Variants in ELP1 observed in about 807,000 individuals in gnomAD.
ELP1 encodes elongator acetyltransferase complex subunit 1, also known as elongator complex protein 1.
In ELP1, 131 loss-of-function variants were observed where a neutral mutation model predicts 183.2. The ratio of observed to expected loss-of-function variants is 0.72; its 90% CI spans 0.62 to 0.83. The LOEUF is 0.83. ELP1 is among the 40% of genes least tolerant of loss of function. The pLI, the probability that ELP1 is intolerant of heterozygous loss-of-function variation, is 0.00. For missense variants in ELP1, 1,550 were observed against 1,594.9 expected, an observed-to-expected ratio of 0.97 and a Z score of 0.48; for synonymous variants, 555 against 569.0, an observed-to-expected ratio of 0.98 and a Z score of 0.35.
At position 108,927,450 on chromosome 9, in the gene ELP1, C is replaced by T; in HGVS notation, c.307G>A (p.Glu103Lys). ...CCACTGGCTACACTCCCAACACACT[C>T]CAGCTGAGACAGAGAAAATTGAAAA... Reference protein sequence around the residue: ...ILCSLSTQQLECVGSVASGIS... With the variant: ...ILCSLSTQQLKCVGSVASGIS... The change falls in exon 4 of 37, where the codon GAG becomes AAG. Residue 103 changes from glutamate to lysine, a missense_variant. By Grantham distance (56) the Glu-to-Lys change is moderately conservative (BLOSUM62 1). Coordinates refer to ENST00000374647, the MANE Select transcript of ELP1 (RefSeq NM_003640.5). The T allele has an allele frequency of 6.2e-7, 1 of 1,612,760 alleles. No individual in the cohort carries two copies. Among genetic ancestry groups the T allele is most frequent in the Non-Finnish European group, 8.5e-7 (1 of 1,178,886 alleles).
At position 108,891,194 on chromosome 9, in the gene ELP1, T is replaced by G. The variant is rs1397634227; in HGVS notation, c.3160+9A>C. On this transcript the variant is annotated intron_variant, in intron 28 of 36. Transcript: ENST00000374647. The stretch of plus-strand genomic sequence containing the variant: ...TTGTAGATGTAAACATATAAATGAT[T>G]GTACTTACCTGCCAGAGTTCTGCCG... 1 of 1,613,672 alleles carries G rather than the reference T, an allele frequency of 6.2e-7. No homozygotes were observed. Among genetic ancestry groups the G allele is most frequent in the East Asian group, 2.2e-5 (1 of 44,882 alleles).
chr9:108,931,367 C>T (rs1260032549), intron 1 of ELP1, among the ~76,000 whole-genome samples, 166 bp from the exon 2 acceptor site: 1 of 152,190 alleles, frequency 6.6e-6, no homozygotes, highest in Non-Finnish European at 1.5e-5. Context: ...CAACCTGACC[C>T]ACTCTATACA....
chr9:108,878,812 T>G, intron 33 of ELP1, 62 bp from the exon 34 acceptor site: 2 of 1,570,518 alleles, frequency 1.3e-6, no homozygotes, highest in Non-Finnish European at 1.7e-6. Flanking sequence ...AGGCATGTGC[T>G]ACCTTGCCTG....
chr9:108,930,107 T>C (rs999564106), intron 2 of ELP1, among the ~76,000 whole-genome samples, 186 bp from the exon 3 acceptor site: 5 of 152,074 alleles, frequency 3.3e-5, no homozygotes, highest in South Asian at 2.1e-4. Flanking sequence ...ACAAGAAAAA[T>C]AGGTAATGTG....
At chr9:108,919,042 A>G in intron 7 of ELP1, 141 bp from the exon 8 acceptor site, 2 of 804,986 alleles carry the variant, frequency 2.5e-6, no homozygotes, top group Non-Finnish European at 4.3e-6. Flanking sequence ...TTTTGTTACA[A>G]ATTTGTGTCC....
In ELP1 at chr9:108,868,734, ATCT is replaced by A. The variant is rs1441470323; in HGVS notation, c.*378_*380del. 1.8e-6 allele frequency: 1 copy of A among 550,720 alleles called. No homozygotes were observed. The highest frequency in any genetic ancestry group is 1.9e-5 in the African/African-American group (1 of 53,306). 34.1% of individuals were successfully genotyped at this position (550,720 alleles called of 1,614,324 possible). A position where few individuals can be genotyped will look rare whatever the true frequency, so the allele number is the denominator to read the frequency against. ...AAATGTAGCACTAATAGCCATTGTA[ATCT>A]TCTCCGCCAACAAAATAAGACAATT... On this transcript the variant is annotated 3_prime_UTR_variant, in exon 37 of 37. Coordinates refer to ENST00000374647, the MANE Select transcript of ELP1 (RefSeq NM_003640.5).
intron 18 of ELP1, among the ~76,000 whole-genome samples, chr9:108,901,064 A>G (rs939432639): frequency 1.1e-4 from 17 of 152,174 alleles, no homozygotes; most frequent in African/African-American, 4.1e-4. Flanking sequence ...GCAGATGTAC[A>G]GTGGAGGGTG....
intron 31 of ELP1, among the ~76,000 whole-genome samples, 195 bp from the exon 32 acceptor site, chr9:108,880,360 A>C (rs180876404): frequency 2.1e-4 from 32 of 152,302 alleles, no homozygotes; most frequent in African/African-American, 7.2e-4. Flanking sequence ...GTTCATCAAC[A>C]TTATCCCAGA....
intron 9 of ELP1, 24 bp downstream of exon 9, chr9:108,917,523 G>T (rs538897509): frequency 1.6e-5 from 25 of 1,612,850 alleles, no homozygotes; most frequent in Non-Finnish European, 2.0e-5. Flanking sequence ...TACATTCGAG[G>T]GTGAAACAAA....
In ELP1 at chr9:108,887,833, G is replaced by C. The variant is rs143985296; in HGVS notation, c.3222+1499C>G. On this transcript the variant is annotated intron_variant, in intron 29 of 36. Transcript: ENST00000374647. ...GTTGGTGAGTATAGGAGTCACTGAA[G>C]CACTCTCACATATCACTGAGGGGAA... Among the ~76,000 whole-genome samples the C allele has an allele frequency of 2.0e-3, 297 of 152,272 alleles. 3 individuals carry two copies. The highest frequency in any genetic ancestry group is 6.5e-3 in the African/African-American group (272 of 41,540).
intron 18 of ELP1, among the ~76,000 whole-genome samples, chr9:108,900,922 C>G (rs1828775749): frequency 1.0e-5 from 1 of 97,776 alleles, no homozygotes; most frequent in African/African-American, 4.2e-5. Context: ...CACACACATA[C>G]ACGCCACACA....
rs1483627992 is a variant in ELP1, at chr9:108,891,523, A to G, written c.2959-119T>C. The G allele has an allele frequency of 3.6e-5, 32 of 892,624 alleles. No individual in the cohort carries two copies. In the South Asian group the frequency reaches 4.4e-4, roughly 12 times the overall value. The allele number at this position is 892,624 out of a possible 1,614,324, so 55.3% of individuals were successfully genotyped here. On this transcript the variant is annotated intron_variant, in intron 27 of 36. Coordinates refer to ENST00000374647, the MANE Select transcript of ELP1 (RefSeq NM_003640.5). ...TCCCTTGAAAGAATTACCTGGGAAA[A>G]TCTTACAGTTGATCAGTTAGTACAG...
chr9:108,905,962 C>A (rs1362376336), intron 14 of ELP1, among the ~76,000 whole-genome samples: 2 of 151,722 alleles, frequency 1.3e-5, no homozygotes, highest in African/African-American at 4.8e-5. Flanking sequence ...TGAGAATTAG[C>A]CACTCTAATT....
chr9:108,907,242 G>T (rs536713393), intron 13 of ELP1, among the ~76,000 whole-genome samples: 1 of 152,136 alleles, frequency 6.6e-6, no homozygotes, highest in African/African-American at 2.4e-5. Flanking sequence ...CCAAGATCAC[G>T]ATGAGTACTC....
intron 14 of ELP1, 117 bp from the exon 15 acceptor site, chr9:108,903,786 C>A: frequency 1.4e-6 from 1 of 720,580 alleles, no homozygotes; most frequent in Non-Finnish European, 2.5e-6. Flanking sequence ...TACTTCAATA[C>A]AATGTAGACA....
intron 5 of ELP1, among the ~76,000 whole-genome samples, chr9:108,925,430 A>G (rs1165262381): frequency 6.6e-6 from 1 of 152,194 alleles, no homozygotes; most frequent in African/African-American, 2.4e-5. Context: ...TGAAATGGAC[A>G]CATTCACTTG....
At chr9:108,882,265 A>C in intron 29 of ELP1, 78 bp from the exon 30 acceptor site, 1 of 1,229,150 alleles carries the variant, frequency 8.1e-7, no homozygotes, top group Non-Finnish European at 1.2e-6. Context: ...AAAACTAACC[A>C]CAGACCTGCC....
At chr9:108,875,818 T>C (rs1827686180) in intron 35 of ELP1, 5 of 325,216 alleles carry the variant, frequency 1.5e-5, no homozygotes, top group South Asian at 1.2e-4. Flanking sequence ...GTGGGAGGAC[T>C]GCTTTAGCCC....
In ELP1 at chr9:108,924,200, C is replaced by T. The variant is rs113831147; in HGVS notation, c.467-1273G>A. 2.0e-3 allele frequency among the ~76,000 whole-genome samples: 297 copies of T among 152,306 alleles called. 2 individuals are homozygous for T. The highest frequency in any genetic ancestry group is 6.7e-3 in the African/African-American group (280 of 41,554). On this transcript the variant is annotated intron_variant, in intron 5 of 36. Coordinates refer to ENST00000374647, the MANE Select transcript of ELP1 (RefSeq NM_003640.5). ...TACAGCCTACATCTGCTTTTACAAA[C>T]AAACGTTTACTGGAACATAGATGTG... is the stretch of plus-strand genomic sequence containing the variant.
Sources: gnomAD v4.1 joint callset for allele counts (sites outside exome capture counted in the v4.1 genomes callset) on GRCh38, gnomAD v4.1.1 for gene constraint, MANE v1.5 for transcripts, NCBI Gene and HGNC (gene_info 2026-07-23, HGNC 2026-07-21) for gene names.